Variants in TSGA10 observed in about 807,000 individuals in gnomAD.
The protein encoded by TSGA10 is testis specific 10, also known as testis-specific gene 10 protein.
A neutral mutation model predicts 96.6 loss-of-function variants in TSGA10; 43 were observed. The observed-to-expected ratio is 0.44, with a 90% CI of 0.35 to 0.57. TSGA10 has a LOEUF of 0.57. TSGA10 is among the 20% of genes least tolerant of loss of function. The pLI is 0.01. For synonymous variants in TSGA10, 229 were observed against 269.9 expected (o/e 0.85, Z 1.48); for missense variants, 703 against 834.4 (o/e 0.84, Z 1.94).
intron 20 of TSGA10, among the ~76,000 whole-genome samples, chr2:99,003,124 TG>T (rs1203808049): frequency 6.6e-6 from 1 of 152,196 alleles, no homozygotes; most frequent in Non-Finnish European, 1.5e-5. Flanking sequence ...CCCAAAGTGC[TG>T]GGATTATAGG....
At position 99,139,143 on chromosome 2, in the gene TSGA10, G is replaced by C. The variant is rs184797560; in HGVS notation, c.-620-11967C>G. Among the ~76,000 whole-genome samples, 7 of 152,174 alleles carry C rather than the reference G, an allele frequency of 4.6e-5. No individual in the cohort carries two copies. In the East Asian group the frequency reaches 1.4e-3, roughly 29 times the overall value. On this transcript the variant is annotated intron_variant, in intron 1 of 20. Coordinates refer to ENST00000393483, the MANE Select transcript of TSGA10 (RefSeq NM_025244.4). The stretch of plus-strand genomic sequence containing the variant: ...CCAGGCATAGTGGCATCCACCTGTG[G>C]TCCCAGCTACTTGGGAGGCTGAGAT...
rs866010372 is a variant in TSGA10, at chr2:99,117,571, G to A, written c.-167C>T. The A allele has an allele frequency of 2.2e-5, 22 of 985,626 alleles. No homozygotes were observed. The highest frequency in any genetic ancestry group is 1.0e-3 in the Middle Eastern group (2 of 1,914). The allele number at this position is 985,626 out of a possible 1,614,324, so 61.1% of individuals were successfully genotyped here. A position where few individuals can be genotyped will look rare whatever the true frequency, so the allele number is the denominator to read the frequency against. On this transcript the variant is annotated 5_prime_UTR_variant, in exon 4 of 21. Coordinates refer to ENST00000393483, the MANE Select transcript of TSGA10 (RefSeq NM_025244.4). ...TGGCTTCTTCAAGTTCCTTGTTGGC[G>A]GAATCCACCACAAAATTTTTCTCTT...
chr2:99,150,784 G>A (rs1231888991), intron 1 of TSGA10: 1 of 1,609,368 alleles, frequency 6.2e-7, no homozygotes, highest in Admixed American at 1.7e-5. Context: ...CTTGGGTTCA[G>A]TGGTATATGT....
chr2:99,011,262 A>C (rs1214002144), intron 20 of TSGA10, among the ~76,000 whole-genome samples: 1 of 152,134 alleles, frequency 6.6e-6, no homozygotes, highest in Non-Finnish European at 1.5e-5. Flanking sequence ...CCTCCCAAGT[A>C]GCTGGGATTA....
chr2:99,018,094 T>C (rs896358168), intron 20 of TSGA10, 106 bp downstream of exon 20: 10 of 1,061,234 alleles, frequency 9.4e-6, no homozygotes, highest in Non-Finnish European at 1.2e-5. Context: ...CATGTTTAAA[T>C]ATCACTATTA....
chr2:99,108,057 T>C (rs2091500738), intron 7 of TSGA10, among the ~76,000 whole-genome samples: 1 of 152,212 alleles, frequency 6.6e-6, no homozygotes, highest in Non-Finnish European at 1.5e-5. Context: ...CATTCATTTT[T>C]CAGGGCTCAC....
chr2:99,012,319 C>T (rs2079069721), intron 20 of TSGA10, among the ~76,000 whole-genome samples: 1 of 152,064 alleles, frequency 6.6e-6, no homozygotes, highest in African/African-American at 2.4e-5. Flanking sequence ...ATGAACAGAA[C>T]AATACCTAAC....
At chr2:99,090,325 A>G (rs570173178) in intron 10 of TSGA10, among the ~76,000 whole-genome samples, 9 of 152,290 alleles carry the variant, frequency 5.9e-5, no homozygotes, top group African/African-American at 2.2e-4. Flanking sequence ...AGGAACAAGA[A>G]AAACAATTCT....
chr2:99,041,788 C>G (rs1254349328), intron 16 of TSGA10, among the ~76,000 whole-genome samples: 1 of 152,068 alleles, frequency 6.6e-6, no homozygotes, highest in Non-Finnish European at 1.5e-5. Context: ...TTACCAAGAA[C>G]ACAAAAGCAA....
At chr2:99,140,481 GAA>G (rs537635393) in intron 1 of TSGA10, among the ~76,000 whole-genome samples, 2 of 137,998 alleles carry the variant, frequency 1.4e-5, no homozygotes, top group Admixed American at 7.2e-5. Flanking sequence ...CCGAAGCTGC[GAA>G]AAAAAAAAAG....
chr2:99,095,256 G>C (rs2089906033), intron 10 of TSGA10, among the ~76,000 whole-genome samples: 1 of 152,086 alleles, frequency 6.6e-6, no homozygotes, highest in African/African-American at 2.4e-5. Flanking sequence ...GGAAAGGATG[G>C]GAGGTGGGGT....
In TSGA10 at chr2:99,102,753, T is replaced by C. The variant is rs927884840; in HGVS notation, c.611+1214A>G. ...AGAAGATGATACCACACATGGTTAA[T>C]TGGAAAATACTACTTACTGGTTTGG... is the stretch of plus-strand genomic sequence containing the variant. On this transcript the variant is annotated intron_variant, in intron 10 of 20. Transcript: ENST00000393483. The C allele has an allele frequency of 1.2e-5, 19 of 1,603,366 alleles. No individual in the cohort carries two copies. In the African/African-American group the frequency reaches 1.2e-4, roughly 10 times the overall value.
intron 5 of TSGA10, 98 bp from the exon 6 acceptor site, chr2:99,109,610 T>C (rs1260995798): frequency 2.0e-6 from 2 of 999,576 alleles, no homozygotes; most frequent in African/African-American, 3.3e-5. Context: ...TATAGCATCA[T>C]TTTCTAAGTG....
chr2:99,033,691 T>C lies in TSGA10; in HGVS notation c.1614+1539A>G, dbSNP rs949073871. Reference sequence around the variant, plus strand: ...TGCTGTCTTACTAAAAATACAAAAATCAGCCAGGTGTGGTGGTGGGCACCT... The same window carrying C: ...TGCTGTCTTACTAAAAATACAAAAACCAGCCAGGTGTGGTGGTGGGCACCT... On this transcript the variant is annotated intron_variant, in intron 17 of 20. Transcript: ENST00000393483. Among the ~76,000 whole-genome samples the C allele has an allele frequency of 1.3e-5, 2 of 151,990 alleles. 1 individual carries two copies. Among genetic ancestry groups the C allele is most frequent in the South Asian group, 4.2e-4 (2 of 4,810 alleles).
At chr2:99,149,785 C>CCT (rs779013460) in intron 1 of TSGA10, among the ~76,000 whole-genome samples, 3 of 112,454 alleles carry the variant, frequency 2.7e-5, no homozygotes, top group African/African-American at 3.7e-5. Flanking sequence ...TCACAAGTAT[C>CCT]TTTTTTTTTT....
Position 99,004,573 on chromosome 2 carries a change from G to A in TSGA10, c.2073-6352C>T, listed in dbSNP as rs973493735. On this transcript the variant is annotated intron_variant, in intron 20 of 20. Transcript: ENST00000393483. ...TGGATAAATTCCTCAACACATACAC[G>A]CTCTCAAGACTAAACCAGGAAGAAG... Among the ~76,000 whole-genome samples, 4 of 150,650 alleles carry A rather than the reference G, an allele frequency of 2.7e-5. 1 individual carries two copies. Among genetic ancestry groups the A allele is most frequent in the East Asian group, 4.0e-4 (2 of 5,044 alleles).
At chr2:99,095,046 A>G (rs2089874786) in intron 10 of TSGA10, among the ~76,000 whole-genome samples, 1 of 152,210 alleles carries the variant, frequency 6.6e-6, no homozygotes, top group Admixed American at 6.5e-5. Context: ...GTATATATAT[A>G]CCATGGAATA....
At chr2:99,039,407 A>C (rs868440812) in intron 16 of TSGA10, among the ~76,000 whole-genome samples, 68 of 152,018 alleles carry the variant, frequency 4.5e-4, no homozygotes, top group African/African-American at 1.6e-3. Context: ...CCAAGAAAAG[A>C]GCAGAGAAGA....
At chr2:99,005,044 CAT>C (rs1467889205) in intron 20 of TSGA10, among the ~76,000 whole-genome samples, 2 of 152,176 alleles carry the variant, frequency 1.3e-5, no homozygotes, top group African/African-American at 4.8e-5. Context: ...ACAAAAACCA[CAT>C]GATTATCTCA....
Sources: allele counts gnomAD v4.1 joint callset (sites outside exome capture counted in the v4.1 genomes callset), GRCh38; gene constraint gnomAD v4.1.1; transcripts MANE v1.5; gene names NCBI Gene and HGNC (gene_info 2026-07-23, HGNC 2026-07-21).